NOL10: variants seen among roughly 807,000 people sequenced by gnomAD.
The protein encoded by NOL10 is H_NH0074G24.1.
A neutral mutation model predicts 103.5 loss-of-function variants in NOL10; 58 were observed. The observed-to-expected ratio is 0.56, with a 90% CI of 0.45 to 0.70. The LOEUF is 0.70. Among genes scored for constraint, NOL10 ranks in the 30% least tolerant of loss-of-function variants. The pLI is 0.00. For missense variants in NOL10, 763 were observed against 807.3 expected, an observed-to-expected ratio of 0.95 and a Z score of 0.67; for synonymous variants, 287 against 282.5, an observed-to-expected ratio of 1.02 and a Z score of -0.16.
In NOL10 at chr2:10,670,030, T is replaced by C. The variant is rs138136233; in HGVS notation, c.465-1307A>G. Among the ~76,000 whole-genome samples, 979 of 151,952 alleles carry C rather than the reference T, an allele frequency of 6.4e-3. 11 individuals carry two copies. Among genetic ancestry groups the C allele is most frequent in the African/African-American group, 0.022 (923 of 41,410 alleles). On this transcript the variant is annotated intron_variant, in intron 6 of 20. Coordinates refer to ENST00000381685, the MANE Select transcript of NOL10 (RefSeq NM_024894.4). ...GAATTCAAGACCAGCCTGGGAAACA[T>C]AGTGAGACCCCATCTTTATAAAAAA...
chr2:10,593,482 C>T (rs1675506454), intron 17 of NOL10, among the ~76,000 whole-genome samples: 1 of 152,134 alleles, frequency 6.6e-6, no homozygotes, highest in Admixed American at 6.5e-5. Flanking sequence ...TGAAGTTAGG[C>T]TGGTACAGAC....
At chr2:10,638,300 A>AACGTAACGTGACGTG (rs1553306368) in intron 13 of NOL10, among the ~76,000 whole-genome samples, 5 of 87,094 alleles carry the variant, frequency 5.7e-5, no homozygotes, top group Non-Finnish European at 1.4e-4. Flanking sequence ...AAAATAACGT[A>AACGTAACGTGACGTG]ACGTGACGTG....
chr2:10,684,304 C>T lies in NOL10; in HGVS notation c.112+263G>A, dbSNP rs374037088. ...AAAAAAAAAAAAAGGAGAAGAGCTGCGTACAGTGGCTCATGCCTGTAATCC... is the reference window on the plus strand; with the variant it reads ...AAAAAAAAAAAAAGGAGAAGAGCTGTGTACAGTGGCTCATGCCTGTAATCC... On this transcript the variant is annotated intron_variant, in intron 2 of 20. Transcript: ENST00000381685. Among the ~76,000 whole-genome samples the T allele has an allele frequency of 9.4e-4, 141 of 150,200 alleles. 1 individual carries two copies. Among genetic ancestry groups the T allele is most frequent in the African/African-American group, 3.3e-3 (134 of 40,904 alleles).
intron 14 of NOL10, among the ~76,000 whole-genome samples, chr2:10,605,815 C>T (rs773039308): frequency 1.3e-5 from 2 of 152,120 alleles, no homozygotes; most frequent in Non-Finnish European, 2.9e-5. Context: ...TTTTAAAAGG[C>T]TAAATTCAGC....
chr2:10,617,797 T>C (rs1316342850), intron 13 of NOL10, among the ~76,000 whole-genome samples: 3 of 152,020 alleles, frequency 2.0e-5, no homozygotes, highest in African/African-American at 7.2e-5. Context: ...AGGAATAAAG[T>C]ACTGAGACAT....
chr2:10,673,053 A>G (rs1270353285), intron 5 of NOL10, among the ~76,000 whole-genome samples: 2 of 152,228 alleles, frequency 1.3e-5, no homozygotes, highest in Non-Finnish European at 2.9e-5. Context: ...AAATCTACTT[A>G]GCTATATTTT....
intron 9 of NOL10, among the ~76,000 whole-genome samples, chr2:10,661,311 G>C (rs1680187663): frequency 6.6e-6 from 1 of 152,030 alleles, no homozygotes; most frequent in South Asian, 2.1e-4. Flanking sequence ...CCGACCTCAG[G>C]TAATCCACCT....
intron 1 of NOL10, among the ~76,000 whole-genome samples, chr2:10,686,621 C>T (rs1447686412): frequency 6.6e-6 from 1 of 152,216 alleles, no homozygotes; most frequent in East Asian, 1.9e-4. Context: ...ACTGCAATAA[C>T]TGCAATTGCA....
In NOL10 at chr2:10,589,590, T is replaced by C; in HGVS notation, c.1584A>G (p.Glu528=). 1.9e-6 allele frequency: 3 copies of C among 1,568,324 alleles called. No homozygotes were observed. Among genetic ancestry groups the C allele is most frequent in the Non-Finnish European group, 2.6e-6 (3 of 1,164,412 alleles). Residue 528 remains glutamate, a synonymous_variant, in exon 18 of 21, where the codon GAA becomes GAG. Coordinates refer to ENST00000381685, the MANE Select transcript of NOL10 (RefSeq NM_024894.4). ...AGGAGTACATTACTTTTTCACGAAG[T>C]TCTTGTTGCTCTAAGAGTCTTAGTT... ...KKKLRLLEQQ[E]LREKEEEEEP...
Position 10,689,847 on chromosome 2 carries a change from G to T in NOL10, c.15C>A (p.Ser5Arg). 1 of 1,607,330 alleles carries T rather than the reference G, an allele frequency of 6.2e-7. No homozygotes were observed. Among genetic ancestry groups the T allele is most frequent in the Non-Finnish European group, 8.5e-7 (1 of 1,177,048 alleles). Residue 5 changes from serine (S) to arginine (R), a missense_variant, in exon 1 of 21, where the codon AGC becomes AGA. Ser to Arg is a moderately radical substitution (Grantham distance 110). Coordinates refer to ENST00000381685, the MANE Select transcript of NOL10 (RefSeq NM_024894.4). Reference sequence around the variant, plus strand: ...GGCTGTAAATCTTCACCTCATTGAGGCTGGAGACCTGCATGGCGCCGCACA... The same window carrying T: ...GGCTGTAAATCTTCACCTCATTGAGTCTGGAGACCTGCATGGCGCCGCACA... MQVS[S>R]LNEVKIYSLS...
At chr2:10,587,275 A>ATATATATTTTT (rs1280231319) in intron 19 of NOL10, among the ~76,000 whole-genome samples, 1 of 22,566 alleles carries the variant, frequency 4.4e-5, no homozygotes, top group Non-Finnish European at 7.9e-5. Flanking sequence ...ATATATATAT[A>ATATATATTTTT]TTTTTTTTTT....
At chr2:10,597,477 A>T (rs1289861366) in intron 17 of NOL10, among the ~76,000 whole-genome samples, 1 of 152,244 alleles carries the variant, frequency 6.6e-6, no homozygotes, top group Non-Finnish European at 1.5e-5. Flanking sequence ...GATGAGACTT[A>T]GCAATTCTTT....
chr2:10,675,870 T>C lies in NOL10; in HGVS notation c.213A>G (p.Gly71=). 6.5e-7 allele frequency: 1 copy of C among 1,549,728 alleles called. No homozygotes were observed. The highest frequency in any genetic ancestry group is 8.8e-7 in the Non-Finnish European group (1 of 1,139,742). The part of the protein sequence containing the change: ...SKDGQYILAT[G]TYKPRVRCYD... ...AACATCGAACCCGAGGTTTATATGTTCCTACAAAAAATTAATGTGATGTAA... is the reference window on the plus strand; with the variant it reads ...AACATCGAACCCGAGGTTTATATGTCCCTACAAAAAATTAATGTGATGTAA... The change falls in exon 4 of 21, where the codon GGA becomes GGG. Residue 71 remains glycine (G), a splice_region_variant and synonymous_variant. Coordinates refer to ENST00000381685, the MANE Select transcript of NOL10 (RefSeq NM_024894.4).
At chr2:10,603,197 A>T (rs1198526473) in intron 14 of NOL10, 40 bp from the exon 15 acceptor site, 1 of 1,415,838 alleles carries the variant, frequency 7.1e-7, no homozygotes. Context: ...TCCTTATGCA[A>T]TCTTCATTAA....
chr2:10,685,598 C>T (rs1486934837), intron 1 of NOL10, among the ~76,000 whole-genome samples: 2 of 150,304 alleles, frequency 1.3e-5, no homozygotes, highest in African/African-American at 4.9e-5. Flanking sequence ...AGCTGATTAA[C>T]TCCAGAATGG....
chr2:10,617,927 G>C (rs1676915750), intron 13 of NOL10, among the ~76,000 whole-genome samples: 1 of 152,194 alleles, frequency 6.6e-6, no homozygotes, highest in Non-Finnish European at 1.5e-5. Context: ...CAGGGGCTGG[G>C]AGAGGGAGGA....
intron 17 of NOL10, among the ~76,000 whole-genome samples, chr2:10,593,945 CCAAA>C (rs1243120005): frequency 4.6e-5 from 7 of 152,206 alleles, no homozygotes. Flanking sequence ...GTGTCCTTCC[CCAAA>C]CAGTGTGGCC....
chr2:10,682,045 A>G lies in NOL10; in HGVS notation c.137T>C (p.Ile46Thr), dbSNP rs764540187. The change falls in exon 3 of 21, where the codon ATT (isoleucine) becomes ACT (threonine). Residue 46 changes from isoleucine to threonine, a missense_variant. Physicochemically the swap from Ile to Thr is moderately conservative, Grantham distance 89 (BLOSUM62 -1). Coordinates refer to ENST00000381685, the MANE Select transcript of NOL10 (RefSeq NM_024894.4). The stretch of plus-strand genomic sequence containing the variant: ...CACAGTAGGCATTTCAAAGTCCTGA[A>G]TAAGTTCAATTCTCCTACGGACATC... ...DVDVRRRIELIQDFEMPTVCT... is the reference protein window; with the variant it reads ...DVDVRRRIELTQDFEMPTVCT... The G allele has an allele frequency of 1.2e-5, 18 of 1,519,602 alleles. 1 individual carries two copies. The Admixed American group carries it at 1.4e-4, about 12-fold the overall frequency. The allele number at this position is 1,519,602 out of a possible 1,614,324, so 94.1% of individuals were successfully genotyped here. A position where few individuals can be genotyped will look rare whatever the true frequency, so the allele number is the denominator to read the frequency against.
rs1330085915 is a variant in NOL10, at chr2:10,600,919, C to T, written c.1356G>A (p.Glu452=). 6.4e-7 allele frequency: 1 copy of T among 1,554,580 alleles called. No homozygotes were observed. The highest frequency in any genetic ancestry group is 8.7e-7 in the Non-Finnish European group (1 of 1,148,178). ...CTTCCTCAATTAATTTAAGTGCCAG[C>T]TCTTTGTTAACTTTTGGCAATTTCT... ...QLKKLPKVNK[E]LALKLIEEEE... is the part of the protein sequence containing the mutation. The change falls in exon 17 of 21, where the codon GAG becomes GAA. Residue 452 remains glutamate, a synonymous_variant. Transcript: ENST00000381685.
Sources: allele counts gnomAD v4.1 joint callset (sites outside exome capture counted in the v4.1 genomes callset), GRCh38; gene constraint gnomAD v4.1.1; transcripts MANE v1.5; gene names NCBI Gene and HGNC (gene_info 2026-07-23, HGNC 2026-07-21).